PDIA3: variants seen among roughly 807,000 people sequenced by gnomAD.
PDIA3 encodes the protein protein disulfide isomerase family A member 3.
A neutral mutation model predicts 56.9 loss-of-function variants in PDIA3; 16 were observed. The ratio of observed to expected loss-of-function variants is 0.28; its 90% CI spans 0.19 to 0.43. The LOEUF (loss-of-function observed/expected upper bound fraction) is 0.43. PDIA3 is among the 20% of genes least tolerant of loss of function. The probability of loss-of-function intolerance (pLI) is 1.00; values close to 1 mark genes in which losing one functional copy is unlikely to be tolerated. For missense variants in PDIA3, 485 were observed against 621.3 expected (o/e 0.78, Z 2.33); for synonymous variants, 192 against 216.5 (o/e 0.89, Z 0.99).
chr15:43,747,432 C>T (rs1484802700), intron 1 of PDIA3, among the ~76,000 whole-genome samples: 1 of 152,196 alleles, frequency 6.6e-6, no homozygotes, highest in African/African-American at 2.4e-5. Flanking sequence ...TGATTACATA[C>T]TCCACTTTAG....
chr15:43,762,635 T>C (rs893993722), intron 4 of PDIA3, among the ~76,000 whole-genome samples: 2 of 152,176 alleles, frequency 1.3e-5, no homozygotes. Context: ...GGAGTTAGCA[T>C]GTATTTATTA....
chr15:43,770,370 A>G, intron 11 of PDIA3, 41 bp downstream of exon 11: 1 of 1,525,468 alleles, frequency 6.6e-7, no homozygotes, highest in Non-Finnish European at 9.1e-7. Context: ...TAGGCAATAG[A>G]TAGGAATAAA....
intron 5 of PDIA3, among the ~76,000 whole-genome samples, chr15:43,764,344 C>T (rs369910111): frequency 2.6e-4 from 40 of 152,096 alleles, no homozygotes; most frequent in African/African-American, 9.7e-4. Flanking sequence ...CTGAGGATGA[C>T]ATGTGAGAGT....
chr15:43,765,356 G>A (rs2086841141), intron 5 of PDIA3, 94 bp from the exon 6 acceptor site: 1 of 766,358 alleles, frequency 1.3e-6, no homozygotes, highest in African/African-American at 1.8e-5. Flanking sequence ...ACTCCAGCCT[G>A]AGCAACAGAG....
In PDIA3 at chr15:43,758,939, T is replaced by C. The variant is rs545720130; in HGVS notation, c.364+2173T>C. Among the ~76,000 whole-genome samples, 147 of 146,340 alleles carry C rather than the reference T, an allele frequency of 1.0e-3. 3 individuals carry two copies. The South Asian group carries it at 0.014, about 14-fold the overall frequency. On this transcript the variant is annotated intron_variant, in intron 3 of 12. Transcript: ENST00000300289. The stretch of plus-strand genomic sequence containing the variant: ...TTGCAGCGAGCTGAGATCACACCAC[T>C]GCACTCCAGCCTGGGTGACAGTGAG...
Position 43,758,153 on chromosome 15 carries a change from G to T in PDIA3, c.364+1387G>T, listed in dbSNP as rs560457809. ...CTCGGGAGGCTGAGGCAGGAGAATCGCTTGAACCTGGGAGGCGGGGTTGCG... is the reference window on the plus strand; with the variant it reads ...CTCGGGAGGCTGAGGCAGGAGAATCTCTTGAACCTGGGAGGCGGGGTTGCG... On this transcript the variant is annotated intron_variant, in intron 3 of 12. Transcript: ENST00000300289. Among the ~76,000 whole-genome samples the T allele has an allele frequency of 2.0e-3, 297 of 150,396 alleles. 1 individual carries two copies. Among genetic ancestry groups the T allele is most frequent in the Admixed American group, 3.4e-3 (51 of 15,090 alleles).
intron 1 of PDIA3, among the ~76,000 whole-genome samples, chr15:43,748,630 G>T (rs2086722770): frequency 1.3e-5 from 2 of 152,074 alleles, no homozygotes; most frequent in South Asian, 2.1e-4. Flanking sequence ...GCTTTTAATT[G>T]GTTTAAAAGA....
In PDIA3 at chr15:43,756,679, A is replaced by G. The variant is rs2086780319; in HGVS notation, c.277A>G (p.Asn93Asp). Reference sequence around the variant, plus strand: ...TTGCACTGCCAACACTAACACCTGTAATAAATATGGAGTCAGTGGATATCC... The same window carrying G: ...TTGCACTGCCAACACTAACACCTGTGATAAATATGGAGTCAGTGGATATCC... ...VDCTANTNTCNKYGVSGYPTL... is the reference protein window; with the variant it reads ...VDCTANTNTCDKYGVSGYPTL... Residue 93 changes from asparagine to aspartate, a missense_variant, in exon 3 of 13, where the codon AAT becomes GAT. Physicochemically the swap from Asn to Asp is conservative, Grantham distance 23. Coordinates refer to ENST00000300289, the MANE Select transcript of PDIA3 (RefSeq NM_005313.5). 6.2e-7 allele frequency: 1 copy of G among 1,606,896 alleles called. No homozygotes were observed. Among genetic ancestry groups the G allele is most frequent in the Admixed American group, 1.7e-5 (1 of 60,020 alleles).
At chr15:43,755,730 A>T (rs1351366826) in intron 2 of PDIA3, among the ~76,000 whole-genome samples, 1 of 152,242 alleles carries the variant, frequency 6.6e-6, no homozygotes, top group Non-Finnish European at 1.5e-5. Context: ...CCTGGCCAAC[A>T]TGGTGAAACC....
Position 43,771,233 on chromosome 15 carries a change from A to G in PDIA3, c.*15A>G. On this transcript the variant is annotated 3_prime_UTR_variant, in exon 13 of 13. Coordinates refer to ENST00000300289, the MANE Select transcript of PDIA3 (RefSeq NM_005313.5). ...AGGATCTCTAAAGCAGTAGCCAAAC[A>G]CCACTTTGTAAAAGGACTCTTCCAT... 1 of 1,511,718 alleles carries G rather than the reference A, an allele frequency of 6.6e-7. No individual in the cohort carries two copies. The highest frequency in any genetic ancestry group is 1.4e-5 in the African/African-American group (1 of 72,638). 93.6% of individuals were successfully genotyped at this position (1,511,718 alleles called of 1,614,324 possible).
chr15:43,753,303 C>G (rs1167559901), intron 1 of PDIA3, among the ~76,000 whole-genome samples: 2 of 152,114 alleles, frequency 1.3e-5, no homozygotes, highest in Non-Finnish European at 2.9e-5. Context: ...GTCTTGAACT[C>G]CTGACCTCGA....
At chr15:43,749,005 A>G (rs1431024716) in intron 1 of PDIA3, among the ~76,000 whole-genome samples, 1 of 152,150 alleles carries the variant, frequency 6.6e-6, no homozygotes, top group African/African-American at 2.4e-5. Context: ...TCCTGACTTC[A>G]GGTGATCTGC....
At chr15:43,751,754 A>T (rs1317020007) in intron 1 of PDIA3, 17 of 1,294,802 alleles carry the variant, frequency 1.3e-5, no homozygotes, top group Non-Finnish European at 1.6e-5. Context: ...GGAGATTCTC[A>T]TTCAGTAAGC....
At chr15:43,750,171 AT>A (rs781370240) in intron 1 of PDIA3, among the ~76,000 whole-genome samples, 123 of 117,388 alleles carry the variant, frequency 1.0e-3, no homozygotes, top group Admixed American at 1.7e-3. Context: ...TGTCTGGCTA[AT>A]TTTTTTTTTT....
intron 12 of PDIA3, among the ~76,000 whole-genome samples, chr15:43,770,791 C>T (rs2086876980): frequency 6.6e-6 from 1 of 152,136 alleles, no homozygotes; most frequent in Admixed American, 6.6e-5. Context: ...GCTGGGATTA[C>T]AGGCATGCGC....
In PDIA3 at chr15:43,770,598, T is replaced by G. The variant is rs2086875113; in HGVS notation, c.1404+18T>G. On this transcript the variant is annotated intron_variant, in intron 12 of 12. Coordinates refer to ENST00000300289, the MANE Select transcript of PDIA3 (RefSeq NM_005313.5). ...AATATGAAGTAAGTGAATTGTCCCATATCCCCACAAATATATACACAGACG... is the reference window on the plus strand; with the variant it reads ...AATATGAAGTAAGTGAATTGTCCCAGATCCCCACAAATATATACACAGACG... 2 of 1,542,588 alleles carry G rather than the reference T, an allele frequency of 1.3e-6. No individual in the cohort carries two copies. Among genetic ancestry groups the G allele is most frequent in the East Asian group, 4.5e-5 (2 of 44,598 alleles).
rs550598811 is a variant in PDIA3, at chr15:43,757,557, C to CA, written c.364+807dup. Reference sequence around the variant, plus strand: ...TGGGCGACAGAGCGAGACTCCGTCTCAAAAAAAAAAAAAAAAGTGTGGGCC... The same window carrying CA: ...TGGGCGACAGAGCGAGACTCCGTCTCAAAAAAAAAAAAAAAAAGTGTGGGCC... On this transcript the variant is annotated intron_variant, in intron 3 of 12. Transcript: ENST00000300289. 2.4e-3 allele frequency among the ~76,000 whole-genome samples: 227 copies of CA among 93,270 alleles called. 1 individual carries two copies. The highest frequency in any genetic ancestry group is 6.8e-3 in the East Asian group (22 of 3,238). The allele number at this position is 93,270 out of a possible 152,430, so 61.2% of individuals were successfully genotyped here.
rs777249059 is a variant in PDIA3 at position 43,763,134 on chromosome 15, A to G, written c.530A>G (p.Asn177Ser). 8.7e-6 allele frequency: 14 copies of G among 1,614,150 alleles called. No individual in the cohort carries two copies. Among genetic ancestry groups the G allele is most frequent in the African/African-American group, 1.3e-5 (1 of 75,062 alleles). ...AHSEFLKAAS[N>S]LRDNYRFAHT... Reference sequence around the variant, plus strand: ...TCCGAGTTCCTAAAAGCAGCCAGCAACTTGAGGGATAACTACCGATTTGCA... The same window carrying G: ...TCCGAGTTCCTAAAAGCAGCCAGCAGCTTGAGGGATAACTACCGATTTGCA... Residue 177 changes from asparagine (N) to serine (S), a missense_variant, in exon 5 of 13, where the codon AAC (asparagine) becomes AGC (serine). Physicochemically the swap from Asn to Ser is conservative, Grantham distance 46 (BLOSUM62 1). Coordinates refer to ENST00000300289, the MANE Select transcript of PDIA3 (RefSeq NM_005313.5).
intron 3 of PDIA3, among the ~76,000 whole-genome samples, 166 bp from the exon 4 acceptor site, chr15:43,761,258 A>C (rs1057466704): frequency 1.3e-5 from 2 of 151,912 alleles, no homozygotes; most frequent in African/African-American, 2.4e-5. Flanking sequence ...AAAAAAAAAA[A>C]AACCTGAAAT....
Sources: gnomAD v4.1 joint callset for allele counts (sites outside exome capture counted in the v4.1 genomes callset) on GRCh38, gnomAD v4.1.1 for gene constraint, MANE v1.5 for transcripts, NCBI Gene and HGNC (gene_info 2026-07-23, HGNC 2026-07-21) for gene names.